SH2D4A: variants seen among roughly 807,000 people sequenced by gnomAD.
SH2D4A encodes SH2 domain-containing protein 4A.
In SH2D4A, 70 loss-of-function variants were observed where a neutral mutation model predicts 64.7. The ratio of observed to expected loss-of-function variants is 1.08; its 90% confidence interval spans 0.89 to 1.32. The LOEUF is 1.32. Among genes scored for constraint, SH2D4A ranks in the 40% most tolerant of loss-of-function variants. SH2D4A has a pLI of 0.00. For synonymous variants in SH2D4A, 268 were observed against 200.7 expected (o/e 1.34, Z -2.83); for missense variants, 706 against 540.1 (o/e 1.31, Z -3.04).
In SH2D4A at chr8:19,394,839, A is replaced by T; in HGVS notation, c.*197A>T. 2.5e-6 allele frequency: 1 copy of T among 398,130 alleles called. No individual in the cohort carries two copies. The highest frequency in any genetic ancestry group is 4.4e-6 in the Non-Finnish European group (1 of 224,750). The allele number at this position is 398,130 out of a possible 1,614,324, so 24.7% of individuals were successfully genotyped here. A position where few individuals can be genotyped will look rare whatever the true frequency, so the allele number is the denominator to read the frequency against. ...TGGAATTCAATGTCAAGAGAAAATG[A>T]CCTCTGCTCAAAAGGGAGAAGAGTC... On this transcript the variant is annotated 3_prime_UTR_variant, in exon 10 of 10. Coordinates refer to ENST00000265807, the MANE Select transcript of SH2D4A (RefSeq NM_022071.4).
chr8:19,325,727 T>G (rs1230802713), intron 2 of SH2D4A, among the ~76,000 whole-genome samples: 1 of 152,186 alleles, frequency 6.6e-6, no homozygotes, highest in Non-Finnish European at 1.5e-5. Flanking sequence ...ACTTTCTTTC[T>G]CTCCTCATCT....
At chr8:19,382,653 C>T (rs558153335) in intron 8 of SH2D4A, among the ~76,000 whole-genome samples, 9 of 152,034 alleles carry the variant, frequency 5.9e-5, no homozygotes, top group South Asian at 2.1e-4. Flanking sequence ...TCAACTTATG[C>T]TGGGTTTATC....
intron 8 of SH2D4A, among the ~76,000 whole-genome samples, chr8:19,380,039 T>C (rs948790531): frequency 6.6e-5 from 10 of 152,078 alleles, no homozygotes; most frequent in African/African-American, 2.2e-4. Context: ...CCTGTTATCC[T>C]TTTTTTCTCT....
chr8:19,367,260 G>A lies in SH2D4A; in HGVS notation c.917+2978G>A, dbSNP rs549330355. Among the ~76,000 whole-genome samples, 59 of 152,156 alleles carry A rather than the reference G, an allele frequency of 3.9e-4. 1 individual carries two copies. The highest frequency in any genetic ancestry group is 1.3e-3 in the African/African-American group (56 of 41,524). On this transcript the variant is annotated intron_variant, in intron 7 of 9. Transcript: ENST00000265807. ...CATACTGATTTCATTTCCTTTTGACGTAGACCCAGTAGTGGGATTGTTGGA... is the reference window on the plus strand; with the variant it reads ...CATACTGATTTCATTTCCTTTTGACATAGACCCAGTAGTGGGATTGTTGGA...
At chr8:19,394,464 AG>A (rs1312905852) in intron 9 of SH2D4A, 85 bp from the exon 10 acceptor site, 1 of 838,214 alleles carries the variant, frequency 1.2e-6, no homozygotes, top group African/African-American at 1.7e-5. Context: ...AATCATGGGT[AG>A]GCAGCTAGTG....
At position 19,394,680 on chromosome 8, in the gene SH2D4A, G is replaced by C; in HGVS notation, c.*38G>C. On this transcript the variant is annotated 3_prime_UTR_variant, in exon 10 of 10. Transcript: ENST00000265807. The stretch of plus-strand genomic sequence containing the variant: ...GGGTCATCCTACAGCCTCCAAGCGG[G>C]CTTTCCCCTGGACAAATGCCACTGC... The C allele has an allele frequency of 6.6e-7, 1 of 1,526,028 alleles. No individual in the cohort carries two copies. Among genetic ancestry groups the C allele is most frequent in the Non-Finnish European group, 8.9e-7 (1 of 1,120,208 alleles). The allele number at this position is 1,526,028 out of a possible 1,614,324, so 94.5% of individuals were successfully genotyped here. A position where few individuals can be genotyped will look rare whatever the true frequency, so the allele number is the denominator to read the frequency against.
intron 4 of SH2D4A, among the ~76,000 whole-genome samples, chr8:19,337,555 GTAC>G (rs1320019057): frequency 2.6e-5 from 4 of 152,100 alleles, no homozygotes; most frequent in Non-Finnish European, 4.4e-5. Context: ...GAGAGAGAGT[GTAC>G]TAGTCTGTTT....
intron 8 of SH2D4A, 130 bp from the exon 9 acceptor site, chr8:19,393,188 A>G (rs1298938354): frequency 5.1e-6 from 4 of 777,324 alleles, no homozygotes; most frequent in Non-Finnish European, 8.4e-6. Context: ...AGCCCAAAAC[A>G]GACTTAAAAT....
chr8:19,341,576 C>T (rs1369497789), intron 4 of SH2D4A, among the ~76,000 whole-genome samples: 2 of 152,174 alleles, frequency 1.3e-5, no homozygotes, highest in Non-Finnish European at 2.9e-5. Flanking sequence ...GGTGCTGTGA[C>T]TCACATCTGT....
At chr8:19,325,193 C>G (rs1326257816) in intron 2 of SH2D4A, among the ~76,000 whole-genome samples, 2 of 152,186 alleles carry the variant, frequency 1.3e-5, no homozygotes, top group African/African-American at 4.8e-5. Context: ...CTCCCTGACC[C>G]TCACTCACCC....
chr8:19,346,501 G>A (rs981368686), intron 4 of SH2D4A, among the ~76,000 whole-genome samples: 5 of 152,204 alleles, frequency 3.3e-5, no homozygotes, highest in African/African-American at 1.2e-4. Context: ...GCAAGCCACT[G>A]ATTCTGCATT....
At chr8:19,322,612 C>CTTTTTTTTTTTTTTTTTTT (rs33946166) in intron 2 of SH2D4A, among the ~76,000 whole-genome samples, 1 of 126,796 alleles carries the variant, frequency 7.9e-6, no homozygotes, top group Admixed American at 8.1e-5. Context: ...GTCTATTATT[C>CTTTTTTTTTTTTTTTTTTT]TTTTTTTTTT....
intron 4 of SH2D4A, among the ~76,000 whole-genome samples, chr8:19,346,513 T>C (rs1279268364): frequency 1.3e-5 from 2 of 152,240 alleles, no homozygotes; most frequent in East Asian, 3.8e-4. Context: ...TTCTGCATTA[T>C]GAATTATGAT....
chr8:19,325,415 C>T (rs1367289688), intron 2 of SH2D4A, among the ~76,000 whole-genome samples: 1 of 152,156 alleles, frequency 6.6e-6, no homozygotes, highest in Non-Finnish European at 1.5e-5. Context: ...TTGCATGAGT[C>T]AGTGGTAGAG....
chr8:19,340,216 C>G (rs2052507663), intron 4 of SH2D4A, among the ~76,000 whole-genome samples: 1 of 151,866 alleles, frequency 6.6e-6, no homozygotes, highest in African/African-American at 2.4e-5. Flanking sequence ...AGTGCAGAAG[C>G]AGGGAAAGCA....
intron 4 of SH2D4A, among the ~76,000 whole-genome samples, chr8:19,353,576 C>G (rs1325953586): frequency 6.6e-6 from 1 of 151,412 alleles, no homozygotes; most frequent in Admixed American, 6.6e-5. Context: ...ACCATGTTGG[C>G]CAGGATGGTC....
intron 2 of SH2D4A, among the ~76,000 whole-genome samples, chr8:19,325,664 G>A (rs889510215): frequency 7.2e-5 from 11 of 152,236 alleles, no homozygotes; most frequent in South Asian, 2.1e-4. Context: ...AGGTTCTCTC[G>A]TTTCTATACT....
At chr8:19,354,722 G>A (rs1043773423) in intron 4 of SH2D4A, among the ~76,000 whole-genome samples, 2 of 152,176 alleles carry the variant, frequency 1.3e-5, no homozygotes, top group African/African-American at 2.4e-5. Context: ...GATAACTCAC[G>A]CATTGTGTTC....
chr8:19,330,973 A>T (rs1459063114), intron 2 of SH2D4A, among the ~76,000 whole-genome samples: 1 of 152,206 alleles, frequency 6.6e-6, no homozygotes, highest in Non-Finnish European at 1.5e-5. Flanking sequence ...CCATTTGGGC[A>T]TGGTGGGATT....
Sources: gnomAD v4.1 joint callset for allele counts (sites outside exome capture counted in the v4.1 genomes callset) on GRCh38, gnomAD v4.1.1 for gene constraint, MANE v1.5 for transcripts, NCBI Gene and HGNC (gene_info 2026-07-23, HGNC 2026-07-21) for gene names.